Variants in MAP3K15 observed in about 807,000 individuals in gnomAD.
MAP3K15 encodes the protein MAPK/ERK kinase kinase 15.
In MAP3K15, 124 loss-of-function variants were observed where a neutral mutation model predicts 99.5. That is an observed-to-expected ratio of 1.25 (90% confidence interval 1.08 to 1.45). The LOEUF (loss-of-function observed/expected upper bound fraction) is 1.45, where lower values mean the gene tolerates loss of function less well. Among genes scored for constraint, MAP3K15 ranks in the 40% most tolerant of loss-of-function variants. The pLI is 0.00. For missense variants in MAP3K15, 1,242 were observed against 1,079.7 expected (o/e 1.15, Z -2.11); for synonymous variants, 494 against 439.6 (o/e 1.12, Z -1.55).
chrX:19,419,997 A>C (rs1413214201), intron 9 of MAP3K15, among the ~76,000 whole-genome samples: 14 of 111,812 alleles, frequency 1.3e-4, no homozygotes, highest in Non-Finnish European at 1.9e-4. Flanking sequence ...CCAATGAGAA[A>C]AAAGACACAA....
chrX:19,412,175 T>C (rs1362133813), intron 11 of MAP3K15, among the ~76,000 whole-genome samples: 3 of 112,018 alleles, frequency 2.7e-5, no homozygotes, highest in African/African-American at 6.5e-5. Context: ...CCACATGAGT[T>C]TCCAAAGACT....
At chrX:19,466,862 A>C (rs1441510190) in intron 3 of MAP3K15, among the ~76,000 whole-genome samples, 1 of 112,311 alleles carries the variant, frequency 8.9e-6, no homozygotes, top group Non-Finnish European at 1.9e-5. Context: ...ATAACTGATG[A>C]AAATTCTTTT....
intron 3 of MAP3K15, among the ~76,000 whole-genome samples, chrX:19,475,553 C>T (rs892072889): frequency 9.0e-6 from 1 of 111,194 alleles, no homozygotes; most frequent in African/African-American, 3.3e-5. Flanking sequence ...GTAGAACATC[C>T]TAACTGCAGG....
chrX:19,371,319 T>TC, intron 23 of MAP3K15, 26 bp downstream of exon 23: 1 of 1,191,100 alleles, frequency 8.4e-7, no homozygotes, highest in Non-Finnish European at 1.1e-6. Context: ...TCTGGTGTGT[T>TC]CCCTAGGGCC....
rs2063858296 is a variant in MAP3K15 at position 19,429,169 on chromosome X, G to A, written c.1166+2269C>T. 2.7e-5 allele frequency among the ~76,000 whole-genome samples: 3 copies of A among 110,790 alleles called. No homozygotes were observed. The South Asian group carries it at 1.2e-3, about 43-fold the overall frequency. On this transcript the variant is annotated intron_variant, in intron 7 of 28. Transcript: ENST00000338883. ...TTCAGGACACCTAGAATGGTGATCT[G>A]AGAGTCTGAATTTTTATATAGCAGG...
At chrX:19,369,333 A>G (rs2063358137) in intron 24 of MAP3K15, 114 bp from the exon 25 acceptor site, 1 of 817,658 alleles carries the variant, frequency 1.2e-6, no homozygotes, top group African/African-American at 2.0e-5. Flanking sequence ...AGCCCGTGCC[A>G]TGCTCCATTA....
chrX:19,370,713 G>A lies in MAP3K15; in HGVS notation c.3400+246C>T, dbSNP rs147913376. On this transcript the variant is annotated intron_variant, in intron 24 of 28. Transcript: ENST00000338883. The stretch of plus-strand genomic sequence containing the variant: ...CGTCCGGCCCCATGCTCCCTTTTGA[G>A]ATTGTGAGTTATAGTTTATGTGTAG... Among the ~76,000 whole-genome samples, 105 of 111,550 alleles carry A rather than the reference G, an allele frequency of 9.4e-4. 1 individual carries two copies. The Middle Eastern group carries it at 0.014, about 15-fold the overall frequency.
At chrX:19,486,748 G>C (rs909028354) in intron 2 of MAP3K15, among the ~76,000 whole-genome samples, 1 of 111,439 alleles carries the variant, frequency 9.0e-6, no homozygotes, top group African/African-American at 3.3e-5. Flanking sequence ...GTTAGTCTCT[G>C]GAACTATTAG....
chrX:19,396,804 C>A (rs1045638522), intron 15 of MAP3K15, among the ~76,000 whole-genome samples: 2 of 111,922 alleles, frequency 1.8e-5, no homozygotes, highest in African/African-American at 3.2e-5. Context: ...ACCTGTGGAT[C>A]CCGGAATGAT....
At position 19,371,375 on chromosome X, in the gene MAP3K15, A is replaced by T; in HGVS notation, c.3264T>A (p.Ile1088=). The part of the protein sequence containing the change: ...LDFDSSSISQ[I]HLVLFGFQDA... ...CCTGAAATCCGAACAGCACCAGGTG[A>T]ATCTGACTGATGGACGAGCTGTCAA... Residue 1088 remains isoleucine, a synonymous_variant, in exon 23 of 29, where the codon ATT becomes ATA. Transcript: ENST00000338883. The T allele has an allele frequency of 1.7e-6, 2 of 1,210,482 alleles. No homozygotes were observed. Among genetic ancestry groups the T allele is most frequent in the African/African-American group, 3.5e-5 (2 of 57,753 alleles).
rs1307306314 is a variant in MAP3K15 at position 19,361,267 on chromosome X, T to A, written c.3857+72A>T. 4 of 911,829 alleles carry A rather than the reference T, an allele frequency of 4.4e-6. No individual in the cohort carries two copies. In the African/African-American group the frequency reaches 5.9e-5, roughly 13 times the overall value. The allele number at this position is 911,829 out of a possible 1,213,427, so 75.1% of individuals were successfully genotyped here. On this transcript the variant is annotated intron_variant, in intron 28 of 28. Transcript: ENST00000338883. ...GTTTGGGGGGAGGCCCAGCCCTTTG[T>A]TTTCTGCTCTTGAAGCATATTCACA...
intron 6 of MAP3K15, among the ~76,000 whole-genome samples, chrX:19,449,782 C>T (rs756506324): frequency 2.7e-5 from 3 of 109,591 alleles, no homozygotes; most frequent in South Asian, 4.0e-4. Flanking sequence ...CTTATTAGAA[C>T]GATGTTCTGG....
chrX:19,492,827 G>C (rs748356434), intron 1 of MAP3K15, among the ~76,000 whole-genome samples: 4 of 110,376 alleles, frequency 3.6e-5, no homozygotes, highest in Non-Finnish European at 7.6e-5. Flanking sequence ...AATTAGCTGG[G>C]TGTGGGGTGG....
chrX:19,485,181 C>T (rs1254195196), intron 3 of MAP3K15, among the ~76,000 whole-genome samples: 2 of 108,023 alleles, frequency 1.9e-5, no homozygotes, highest in Admixed American at 1.0e-4. Context: ...TGGTGGTAGG[C>T]GCCTATAATC....
intron 26 of MAP3K15, 72 bp downstream of exon 26, chrX:19,362,666 T>A: frequency 3.1e-6 from 2 of 649,474 alleles, no homozygotes; most frequent in Non-Finnish European, 4.9e-6. Flanking sequence ...GAAGATAACC[T>A]CAAATGTTTC....
At position 19,504,599 on chromosome X, in the gene MAP3K15, T is replaced by TA. The variant is rs1401656064; in HGVS notation, c.361+10301dup. ...TTTAAACCATTTCATATCTTTTGTT[T>TA]AAAAAAAAGCCCAATATCACTGTCA... On this transcript the variant is annotated intron_variant, in intron 1 of 28. Coordinates refer to ENST00000338883, the MANE Select transcript of MAP3K15 (RefSeq NM_001001671.4). Among the ~76,000 whole-genome samples, 9 of 111,138 alleles carry TA rather than the reference T, an allele frequency of 8.1e-5. No individual in the cohort carries two copies. In the East Asian group the frequency reaches 1.1e-3, roughly 14 times the overall value.
At chrX:19,470,308 A>G (rs908799085) in intron 3 of MAP3K15, among the ~76,000 whole-genome samples, 2 of 111,121 alleles carry the variant, frequency 1.8e-5, no homozygotes, top group Non-Finnish European at 3.8e-5. Flanking sequence ...AGGACAAAAA[A>G]TCAAACACCA....
At chrX:19,403,166 TA>T (rs1255419945) in intron 13 of MAP3K15, among the ~76,000 whole-genome samples, 1 of 111,182 alleles carries the variant, frequency 9.0e-6, no homozygotes, top group Non-Finnish European at 1.9e-5. Context: ...CAAGAATGTA[TA>T]TATGTATCAA....
At position 19,431,454 on chromosome X, in the gene MAP3K15, C is replaced by T. The variant is rs1029627606; in HGVS notation, c.1150G>A (p.Asp384Asn). The change falls in exon 7 of 29, where the codon GAC becomes AAC. Residue 384 changes from aspartate (D) to asparagine (N), a missense_variant. By Grantham distance (23) the Asp-to-Asn change is conservative (BLOSUM62 1). Transcript: ENST00000338883. Reference sequence around the variant, plus strand: ...AGGGTTTACCACTCAATGGCGCTGTCGCGGCTGGTGTCATCTTTGCAGTCT... The same window carrying T: ...AGGGTTTACCACTCAATGGCGCTGTTGCGGCTGGTGTCATCTTTGCAGTCT... ...DSDCKDDTSRDSAIEWYRKGF... is the reference protein window; with the variant it reads ...DSDCKDDTSRNSAIEWYRKGF... 8.3e-6 allele frequency: 10 copies of T among 1,199,720 alleles called. No homozygotes were observed. The highest frequency in any genetic ancestry group is 1.1e-5 in the Non-Finnish European group (10 of 894,894).
Sources: gnomAD v4.1 joint callset for allele counts (sites outside exome capture counted in the v4.1 genomes callset) on GRCh38, gnomAD v4.1.1 for gene constraint, MANE v1.5 for transcripts, NCBI Gene and HGNC (gene_info 2026-07-23, HGNC 2026-07-21) for gene names.